Variants in RBX1 observed in about 807,000 individuals in gnomAD.
RBX1 encodes ring-box 1.
For missense variants in RBX1, 46 were observed against 141.4 expected (o/e 0.33, Z 3.42); for synonymous variants, 48 against 47.9 (o/e 1.00, Z -0.01).
At chr22:40,958,305 CTT>C (rs2058331004) in intron 2 of RBX1, among the ~76,000 whole-genome samples, 1 of 135,816 alleles carries the variant, frequency 7.4e-6, no homozygotes, top group African/African-American at 2.8e-5. Context: ...AGTGCCATAA[CTT>C]AAAAAAAAAA....
chr22:40,961,081 CTTTTTT>C (rs61092253), intron 2 of RBX1, among the ~76,000 whole-genome samples: 1,651 of 107,660 alleles, frequency 0.015, 35 homozygotes, highest in African/African-American at 0.055. Flanking sequence ...CGTGCCTGGC[CTTTTTT>C]TTTTTTTTTT....
intron 3 of RBX1, among the ~76,000 whole-genome samples, chr22:40,964,610 G>A (rs2058349142): frequency 6.6e-6 from 1 of 152,196 alleles, no homozygotes; most frequent in Admixed American, 6.5e-5. Context: ...AGCTTTATTG[G>A]ACTGAATGGC....
intron 1 of RBX1, among the ~76,000 whole-genome samples, 195 bp from the exon 2 acceptor site, chr22:40,953,360 C>G (rs891651099): frequency 6.6e-6 from 1 of 152,168 alleles, no homozygotes. Context: ...ATATACTCAG[C>G]CTTTTGGAGA....
chr22:40,971,338 A>G (rs1482899593), intron 4 of RBX1, among the ~76,000 whole-genome samples: 1 of 152,194 alleles, frequency 6.6e-6, no homozygotes, highest in Non-Finnish European at 1.5e-5. Flanking sequence ...CCTATGTGGA[A>G]TTTGGCACAA....
rs756486745 is a variant in RBX1, at chr22:40,962,859, ATT to A, written c.158-1171_158-1170del. Among the ~76,000 whole-genome samples the A allele has an allele frequency of 9.5e-3, 1,165 of 122,942 alleles. 16 individuals are homozygous for A. The highest frequency in any genetic ancestry group is 0.033 in the African/African-American group (1,110 of 33,506). 80.7% of individuals were successfully genotyped at this position (122,942 alleles called of 152,430 possible). On this transcript the variant is annotated intron_variant, in intron 2 of 4. Coordinates refer to ENST00000216225, the MANE Select transcript of RBX1 (RefSeq NM_014248.4). ...AGGCACCCGCCACCACGCCCAGCTA[ATT>A]TTTTTTTTTTTTTTTTAGTAGAGAC...
At chr22:40,963,561 G>A (rs1267725359) in intron 2 of RBX1, among the ~76,000 whole-genome samples, 2 of 150,836 alleles carry the variant, frequency 1.3e-5, no homozygotes, top group South Asian at 2.1e-4. Context: ...GCTTGAACTC[G>A]GGGGGCGGAG....
chr22:40,961,960 T>G (rs2058341715), intron 2 of RBX1, among the ~76,000 whole-genome samples: 1 of 152,266 alleles, frequency 6.6e-6, no homozygotes, highest in East Asian at 1.9e-4. Context: ...AATTTTTGCC[T>G]TCTTAGTAGA....
chr22:40,966,574 A>G (rs1480164435), intron 3 of RBX1: 5 of 152,138 alleles, frequency 3.3e-5, no homozygotes, highest in Non-Finnish European at 7.4e-5. Flanking sequence ...AAAGGCTGTC[A>G]CTCTAAGAGA....
intron 1 of RBX1, among the ~76,000 whole-genome samples, chr22:40,952,983 CTTTTTT>C (rs34618218): frequency 0.025 from 2,147 of 86,816 alleles, 26 homozygotes; most frequent in African/African-American, 0.077. Context: ...AGTTTGTGCC[CTTTTTT>C]TTTTTTTTTT....
At chr22:40,967,532 T>C (rs2058357468) in intron 3 of RBX1, 1 of 279,340 alleles carries the variant, frequency 3.6e-6, no homozygotes, top group Non-Finnish European at 6.8e-6. Flanking sequence ...TTCTCTTAAA[T>C]AGAAGAGAGC....
chr22:40,952,235 G>A (rs1240073141), intron 1 of RBX1, among the ~76,000 whole-genome samples: 1 of 152,220 alleles, frequency 6.6e-6, no homozygotes, highest in Non-Finnish European at 1.5e-5. Flanking sequence ...GACTTGGTAA[G>A]CGTGGGAAAG....
chr22:40,970,313 G>A (rs1292194436), intron 4 of RBX1, among the ~76,000 whole-genome samples: 6 of 149,168 alleles, frequency 4.0e-5, no homozygotes, highest in African/African-American at 1.2e-4. Flanking sequence ...CTGAGATCAC[G>A]CCACATCAGC....
intron 3 of RBX1, chr22:40,964,324 T>C (rs1471606932): frequency 1.1e-5 from 5 of 453,050 alleles, no homozygotes; most frequent in Non-Finnish European, 2.0e-5. Flanking sequence ...GGCACTTATT[T>C]GTCTTAATTA....
chr22:40,968,085 CTTTTTTTT>C (rs938566744), intron 4 of RBX1, among the ~76,000 whole-genome samples: 1 of 111,208 alleles, frequency 9.0e-6, no homozygotes, highest in African/African-American at 3.4e-5. Context: ...GTTTCCCAAC[CTTTTTTTT>C]TTTTTTTTTT....
At position 40,951,397 on chromosome 22, in the gene RBX1, A is replaced by G; in HGVS notation, c.-2A>G. The G allele has an allele frequency of 6.2e-7, 1 of 1,612,554 alleles. No individual in the cohort carries two copies. The highest frequency in any genetic ancestry group is 8.5e-7 in the Non-Finnish European group (1 of 1,179,152). On this transcript the variant is annotated 5_prime_UTR_variant, in exon 1 of 5. Transcript: ENST00000216225. ...TCGGACGACAGACCGTGTGTTTCCA[A>G]AATGGCGGCAGCGATGGATGTGGAT...
chr22:40,963,723 C>T (rs548154913), intron 2 of RBX1, among the ~76,000 whole-genome samples: 2 of 152,012 alleles, frequency 1.3e-5, no homozygotes, highest in Non-Finnish European at 2.9e-5. Context: ...GTGGCACGCA[C>T]CTGTAGTCCC....
At chr22:40,970,131 G>T (rs548673586) in intron 4 of RBX1, among the ~76,000 whole-genome samples, 2 of 151,100 alleles carry the variant, frequency 1.3e-5, no homozygotes, top group East Asian at 3.9e-4. Flanking sequence ...TGAGGTGGGT[G>T]GATCACCTGA....
chr22:40,965,031 G>A (rs926042089), intron 3 of RBX1, among the ~76,000 whole-genome samples: 6 of 152,200 alleles, frequency 3.9e-5, no homozygotes, highest in African/African-American at 1.4e-4. Flanking sequence ...TAGGCCGGAC[G>A]CGGTGGCTCA....
chr22:40,965,738 A>T (rs1459686267), intron 3 of RBX1, among the ~76,000 whole-genome samples: 1 of 152,106 alleles, frequency 6.6e-6, no homozygotes, highest in Admixed American at 6.6e-5. Context: ...CACCGTGCCC[A>T]GCCCCTACCC....
Sources: allele counts gnomAD v4.1 joint callset (sites outside exome capture counted in the v4.1 genomes callset), GRCh38; gene constraint gnomAD v4.1.1; transcripts MANE v1.5; gene names NCBI Gene and HGNC (gene_info 2026-07-23, HGNC 2026-07-21).